Variants in TMEM132C observed in about 807,000 individuals in gnomAD.
TMEM132C encodes the protein protein phosphatase 1, regulatory subunit 152.
A neutral mutation model predicts 61.4 loss-of-function variants in TMEM132C; 29 were observed. The observed-to-expected ratio is 0.47, with a 90% CI of 0.35 to 0.64. The LOEUF (loss-of-function observed/expected upper bound fraction) is 0.64, where lower values mean the gene tolerates loss of function less well. Among genes scored for constraint, TMEM132C ranks in the 30% least tolerant of loss-of-function variants. The pLI, the probability that TMEM132C is intolerant of heterozygous loss-of-function variation, is 0.00. For synonymous variants in TMEM132C, 656 were observed against 633.1 expected, an observed-to-expected ratio of 1.04 and a Z score of -0.54; for missense variants, 1,408 against 1,476.9, an observed-to-expected ratio of 0.95 and a Z score of 0.76.
rs372149309 is a variant in TMEM132C at position 128,370,857 on chromosome 12, C to T, written c.86-43875C>T. 1.4e-4 allele frequency among the ~76,000 whole-genome samples: 22 copies of T among 152,214 alleles called. No individual in the cohort carries two copies. The South Asian group carries it at 3.1e-3, about 22-fold the overall frequency. ...TTCATAGAATTCAACTTATCCTGCA[C>T]GGCACCAGAATAATAGCAGCTACCC... On this transcript the variant is annotated intron_variant, in intron 1 of 8. Transcript: ENST00000435159.
At chr12:128,497,874 G>C (rs909947275) in intron 2 of TMEM132C, among the ~76,000 whole-genome samples, 1 of 152,104 alleles carries the variant, frequency 6.6e-6, no homozygotes, top group Non-Finnish European at 1.5e-5. Flanking sequence ...GATGAACCCG[G>C]TACCTCAGTT....
chr12:128,644,266 G>A (rs1324041392), intron 4 of TMEM132C, among the ~76,000 whole-genome samples: 1 of 152,166 alleles, frequency 6.6e-6, no homozygotes, highest in Non-Finnish European at 1.5e-5. Context: ...CTAAACATTT[G>A]TCCACATGGA....
intron 1 of TMEM132C, among the ~76,000 whole-genome samples, chr12:128,402,846 G>A (rs1014222929): frequency 2.6e-5 from 4 of 152,228 alleles, no homozygotes; most frequent in Non-Finnish European, 5.9e-5. Flanking sequence ...TTGTGCTGAT[G>A]AAGTCCAAGA....
At chr12:128,268,975 G>T (rs1212752497) in intron 1 of TMEM132C, among the ~76,000 whole-genome samples, 1 of 95,726 alleles carries the variant, frequency 1.0e-5, no homozygotes, top group East Asian at 3.9e-4. Flanking sequence ...GAAAGGGGGG[G>T]CAAGTCGGGG....
intron 2 of TMEM132C, among the ~76,000 whole-genome samples, chr12:128,511,845 G>A: frequency 6.6e-6 from 1 of 152,136 alleles, no homozygotes; most frequent in East Asian, 1.9e-4. Flanking sequence ...GCTGGCCCAG[G>A]GCCTCCTAGT....
intron 4 of TMEM132C, among the ~76,000 whole-genome samples, chr12:128,668,388 T>C (rs1395774770): frequency 6.6e-6 from 1 of 152,236 alleles, no homozygotes; most frequent in African/African-American, 2.4e-5. Context: ...GCTATAGGCA[T>C]TTCAGGTACA....
chr12:128,560,399 C>T (rs1022536142), intron 3 of TMEM132C, among the ~76,000 whole-genome samples: 1 of 152,206 alleles, frequency 6.6e-6, no homozygotes, highest in Non-Finnish European at 1.5e-5. Flanking sequence ...CAACTCATCT[C>T]CCACAGTGGC....
At chr12:128,361,489 A>T (rs1431088100) in intron 1 of TMEM132C, among the ~76,000 whole-genome samples, 1 of 152,100 alleles carries the variant, frequency 6.6e-6, no homozygotes, top group African/African-American at 2.4e-5. Context: ...AGACCTTTTG[A>T]AGTCAGGACT....
chr12:128,504,755 G>A (rs1207702456), intron 2 of TMEM132C, among the ~76,000 whole-genome samples: 1 of 128,924 alleles, frequency 7.8e-6, no homozygotes, highest in Non-Finnish European at 1.6e-5. Flanking sequence ...CTCCTTATAG[G>A]CCCTGTCTCT....
At position 128,441,201 on chromosome 12, in the gene TMEM132C, G is replaced by A. The variant is rs116216301; in HGVS notation, c.974+25581G>A. On this transcript the variant is annotated intron_variant, in intron 2 of 8. Coordinates refer to ENST00000435159, the MANE Select transcript of TMEM132C (RefSeq NM_001136103.3). ...GTCTGGCAGGTCAGCAGTTCTGCAC[G>A]GCGATGAGTGCGAGGAGCAGAGCCA... Among the ~76,000 whole-genome samples the A allele has an allele frequency of 9.4e-3, 1,433 of 152,300 alleles. 14 individuals are homozygous for A. Among genetic ancestry groups the A allele is most frequent in the African/African-American group, 0.033 (1,368 of 41,568 alleles).
chr12:128,582,604 A>T (rs890818828), intron 3 of TMEM132C, among the ~76,000 whole-genome samples: 2 of 152,080 alleles, frequency 1.3e-5, no homozygotes, highest in African/African-American at 4.8e-5. Context: ...GTAGTGAATA[A>T]GTCTCACAAG....
intron 1 of TMEM132C, among the ~76,000 whole-genome samples, chr12:128,372,462 G>C (rs529712019): frequency 6.6e-6 from 1 of 152,298 alleles, no homozygotes; most frequent in East Asian, 1.9e-4. Context: ...ATAAACGTAA[G>C]AGAGAGAACA....
chr12:128,269,401 T>C (rs932063852), intron 1 of TMEM132C, among the ~76,000 whole-genome samples: 1 of 144,386 alleles, frequency 6.9e-6, no homozygotes, highest in Non-Finnish European at 1.5e-5. Context: ...TACTTTTGAT[T>C]ACGAGAGTGG....
chr12:128,358,147 A>C (rs1471188435), intron 1 of TMEM132C, among the ~76,000 whole-genome samples: 3 of 152,084 alleles, frequency 2.0e-5, no homozygotes, highest in Admixed American at 6.5e-5. Flanking sequence ...CCAGGGTGGA[A>C]CAGTCTCCAC....
rs1408257823 is a variant in TMEM132C, at chr12:128,666,171, G to GCA, written c.1306-3235_1306-3234dup. ...CACAGGCATTCATACACAAACACAG[G>GCA]CACACACACACATACACACAGGCAC... is the stretch of plus-strand genomic sequence containing the variant. On this transcript the variant is annotated intron_variant, in intron 4 of 8. Transcript: ENST00000435159. 7.4e-5 allele frequency among the ~76,000 whole-genome samples: 8 copies of GCA among 107,772 alleles called. No homozygotes were observed. The East Asian group carries it at 9.3e-4, about 12-fold the overall frequency. The allele number at this position is 107,772 out of a possible 152,430, so 70.7% of individuals were successfully genotyped here.
intron 3 of TMEM132C, among the ~76,000 whole-genome samples, chr12:128,572,623 G>T (rs1287582047): frequency 1.3e-5 from 2 of 149,542 alleles, no homozygotes; most frequent in Admixed American, 1.3e-4. Flanking sequence ...CACATGACAA[G>T]TTGTGGCCTC....
chr12:128,584,288 G>T (rs530464886), intron 3 of TMEM132C, among the ~76,000 whole-genome samples: 1 of 152,158 alleles, frequency 6.6e-6, no homozygotes, highest in South Asian at 2.1e-4. Context: ...AAACTTTCTG[G>T]AGTTCTATGC....
chr12:128,368,155 G>A (rs1230308788), intron 1 of TMEM132C, among the ~76,000 whole-genome samples: 3 of 152,214 alleles, frequency 2.0e-5, no homozygotes, highest in Non-Finnish European at 4.4e-5. Context: ...TTGGCAAATG[G>A]ACATGGGGCA....
intron 2 of TMEM132C, among the ~76,000 whole-genome samples, chr12:128,443,653 T>C (rs1034782453): frequency 2.0e-5 from 3 of 152,184 alleles, no homozygotes; most frequent in Non-Finnish European, 4.4e-5. Context: ...ATGGCTCTGA[T>C]GAACGGACAA....
Sources: gnomAD v4.1 joint callset for allele counts (sites outside exome capture counted in the v4.1 genomes callset) on GRCh38, gnomAD v4.1.1 for gene constraint, MANE v1.5 for transcripts, NCBI Gene and HGNC (gene_info 2026-07-23, HGNC 2026-07-21) for gene names.